The following ATP13A3 variants were observed in gnomAD, a reference collection of about 807,000 sequenced individuals.
ATP13A3 encodes the protein ATPase 13A3.
A neutral mutation model predicts 158.1 loss-of-function variants in ATP13A3; 59 were observed. The ratio of observed to expected loss-of-function variants is 0.37; its 90% CI spans 0.30 to 0.46. The LOEUF is 0.46. ATP13A3 is among the 20% of genes least tolerant of loss of function. The probability of loss-of-function intolerance (pLI) is 1.00; values close to 1 mark genes in which losing one functional copy is unlikely to be tolerated. For missense variants in ATP13A3, 1,166 were observed against 1,525.2 expected (o/e 0.76, Z 3.92); for synonymous variants, 491 against 504.3 (o/e 0.97, Z 0.35).
intron 10 of ATP13A3, chr3:194,452,873 TG>T (rs1482000610): frequency 2.0e-5 from 3 of 152,216 alleles, no homozygotes; most frequent in Non-Finnish European, 4.4e-5. Flanking sequence ...CACACTGTAT[TG>T]TTACTGTTAC....
chr3:194,476,963 A>C (rs989375081), intron 2 of ATP13A3, among the ~76,000 whole-genome samples: 1 of 152,184 alleles, frequency 6.6e-6, no homozygotes, highest in African/African-American at 2.4e-5. Flanking sequence ...AAGATCCTAC[A>C]GACTCTGGCC....
chr3:194,463,450 T>G (rs916946389), intron 2 of ATP13A3, among the ~76,000 whole-genome samples: 2 of 152,220 alleles, frequency 1.3e-5, no homozygotes, highest in Non-Finnish European at 2.9e-5. Flanking sequence ...AATAAATATT[T>G]GAAATATCAG....
At position 194,457,116 on chromosome 3, in the gene ATP13A3, T is replaced by G; in HGVS notation, c.538A>C (p.Thr180Pro). Residue 180 changes from threonine (T) to proline (P), a missense_variant, in exon 7 of 34, where the codon ACA becomes CCA. Physicochemically the swap from Thr to Pro is conservative, Grantham distance 38. Coordinates refer to ENST00000645319, the MANE Select transcript of ATP13A3 (RefSeq NM_001367549.1). ...SIYEKHSAGL[T>P]KGMHAYRKLL... The stretch of plus-strand genomic sequence containing the variant: ...TACCTGTAGGCATGCATCCCCTTTG[T>G]CAGTCCTGCACTATGCTTTTCATAA... 1 of 1,612,812 alleles carries G rather than the reference T, an allele frequency of 6.2e-7. No individual in the cohort carries two copies.
At chr3:194,492,603 C>T (rs1015376260) in intron 2 of ATP13A3, among the ~76,000 whole-genome samples, 11 of 151,922 alleles carry the variant, frequency 7.2e-5, no homozygotes, top group African/African-American at 2.4e-4. Context: ...TACAGGCATC[C>T]GCCACCAGGC....
In ATP13A3 at chr3:194,428,889, A is replaced by C. The variant is rs2108806718; in HGVS notation, c.2903T>G (p.Phe968Cys). 1 of 1,597,806 alleles carries C rather than the reference A, an allele frequency of 6.3e-7. No homozygotes were observed. Among genetic ancestry groups the C allele is most frequent in the South Asian group, 1.1e-5 (1 of 89,834 alleles). Residue 968 changes from phenylalanine to cysteine, a missense_variant, in exon 28 of 34, where the codon TTT (phenylalanine) becomes TGT (cysteine). By Grantham distance (205) the Phe-to-Cys change is radical (BLOSUM62 -2). Transcript: ENST00000645319. Reference protein sequence around the residue: ...SILSNLGDFQFLFIDLAIILV... With the variant: ...SILSNLGDFQCLFIDLAIILV... ...AATGATTGCCAGATCAATGAAGAGA[A>C]ACTGGAAGTCTCCTAGGTTACTTAA...
intron 7 of ATP13A3, among the ~76,000 whole-genome samples, chr3:194,456,323 A>T (rs1719221342): frequency 7.1e-6 from 1 of 141,360 alleles, no homozygotes; most frequent in South Asian, 2.5e-4. Context: ...AATTTGAGGG[A>T]TCTTATTTTT....
chr3:194,476,971 G>GC (rs1720554790), intron 2 of ATP13A3, among the ~76,000 whole-genome samples: 1 of 152,060 alleles, frequency 6.6e-6, no homozygotes, highest in Non-Finnish European at 1.5e-5. Flanking sequence ...ACAGACTCTG[G>GC]CCCCGCCTAG....
In ATP13A3 at chr3:194,403,844, A is replaced by C. The variant is rs1714763153; in HGVS notation, c.*2075T>G. 4.1e-6 allele frequency: 1 copy of C among 242,900 alleles called. No homozygotes were observed. The highest frequency in any genetic ancestry group is 8.1e-6 in the Non-Finnish European group (1 of 122,866). 15.0% of individuals were successfully genotyped at this position (242,900 alleles called of 1,614,324 possible). Reference sequence around the variant, plus strand: ...TACAAATGCTTTTCCAGCCACCTAAACACCTCATTCCTTTGAAAACAATAT... The same window carrying C: ...TACAAATGCTTTTCCAGCCACCTAACCACCTCATTCCTTTGAAAACAATAT... On this transcript the variant is annotated 3_prime_UTR_variant, in exon 34 of 34. Transcript: ENST00000645319.
At chr3:194,466,678 G>C (rs1720008013) in intron 2 of ATP13A3, among the ~76,000 whole-genome samples, 1 of 152,006 alleles carries the variant, frequency 6.6e-6, no homozygotes, top group Non-Finnish European at 1.5e-5. Flanking sequence ...TAATAGAAAA[G>C]GTTTTCAGAA....
At chr3:194,459,388 A>G in intron 6 of ATP13A3, 83 bp downstream of exon 6, 2 of 918,884 alleles carry the variant, frequency 2.2e-6, no homozygotes, top group Non-Finnish European at 3.4e-6. Flanking sequence ...CAGCAATTTT[A>G]TGAATACTAG....
At chr3:194,464,379 T>C (rs1719866875) in intron 2 of ATP13A3, among the ~76,000 whole-genome samples, 1 of 152,188 alleles carries the variant, frequency 6.6e-6, no homozygotes, top group East Asian at 1.9e-4. Context: ...ACAAAACCTT[T>C]TGGGCATGGT....
intron 2 of ATP13A3, among the ~76,000 whole-genome samples, chr3:194,474,853 A>T (rs1720457098): frequency 6.6e-6 from 1 of 152,184 alleles, no homozygotes; most frequent in Admixed American, 6.5e-5. Context: ...CTCACTGCAC[A>T]CTCATGCTTC....
At chr3:194,492,771 C>A (rs1420163939) in intron 2 of ATP13A3, among the ~76,000 whole-genome samples, 1 of 152,168 alleles carries the variant, frequency 6.6e-6, no homozygotes. Flanking sequence ...TACTTTAAAT[C>A]ATCTCTAGAT....
chr3:194,412,105 C>T, intron 33 of ATP13A3, 94 bp downstream of exon 33: 2 of 1,008,510 alleles, frequency 2.0e-6, no homozygotes, highest in Non-Finnish European at 1.5e-6. Flanking sequence ...GAGAATAACA[C>T]ATAACAGAAC....
chr3:194,425,292 A>C (rs117299962), intron 30 of ATP13A3, 50 bp downstream of exon 30: 2 of 1,466,854 alleles, frequency 1.4e-6, no homozygotes, highest in East Asian at 4.5e-5. Flanking sequence ...CTTCTACATT[A>C]GTTTTAAAGG....
At chr3:194,485,039 A>G (rs1388565322) in intron 2 of ATP13A3, among the ~76,000 whole-genome samples, 1 of 150,618 alleles carries the variant, frequency 6.6e-6, no homozygotes, top group Non-Finnish European at 1.5e-5. Context: ...CCTGGGCAAC[A>G]GAGCAAGATG....
upstream of ATP13A3, chr3:194,488,804 A>G (rs1469889711): frequency 6.6e-6 from 1 of 152,244 alleles, no homozygotes; most frequent in Non-Finnish European, 1.5e-5. This position sits in a 1 kb window ranked among gnomAD's most constrained non-coding sequence, Gnocchi z 4.1. Context: ...CTCTAAGCCA[A>G]CAACTTTGCT....
chr3:194,420,140 G>A (rs1426776175), intron 30 of ATP13A3, 173 bp from the exon 31 acceptor site: 6 of 581,788 alleles, frequency 1.0e-5, no homozygotes, highest in South Asian at 3.9e-5. Context: ...GACATTGTTC[G>A]GGGCACCCAA....
rs572603949 is a variant in ATP13A3, at chr3:194,403,437, C to T, written c.*2482G>A. 1 of 152,214 alleles carries T rather than the reference C, an allele frequency of 6.6e-6. No homozygotes were observed. Among genetic ancestry groups the T allele is most frequent in the African/African-American group, 2.4e-5 (1 of 41,530 alleles). The allele number at this position is 152,214 out of a possible 1,614,324, so 9.4% of individuals were successfully genotyped here. A position where few individuals can be genotyped will look rare whatever the true frequency, so the allele number is the denominator to read the frequency against. ...ATTTATACTTGAGGGAGAAAAAAAA[C>T]TTTAAACAACCCTGAGGGAGACACA... On this transcript the variant is annotated 3_prime_UTR_variant, in exon 34 of 34. Coordinates refer to ENST00000645319, the MANE Select transcript of ATP13A3 (RefSeq NM_001367549.1).
Sources: allele counts gnomAD v4.1 joint callset (sites outside exome capture counted in the v4.1 genomes callset), GRCh38; gene constraint gnomAD v4.1.1; non-coding constraint Gnocchi (gnomAD v3.1); transcripts MANE v1.5; gene names NCBI Gene and HGNC (gene_info 2026-07-23, HGNC 2026-07-21).